Variants in CSTF3 observed in about 807,000 individuals in gnomAD.
CSTF3 encodes cleavage stimulation factor subunit 3.
CSTF3 carries 29 observed loss-of-function variants against 105.8 expected under a neutral mutation model. The observed-to-expected ratio is 0.27, with a 90% CI of 0.20 to 0.37. CSTF3 has a LOEUF of 0.37. CSTF3 is among the 10% of genes least tolerant of loss of function. The probability of loss-of-function intolerance (pLI) is 1.00; values close to 1 mark genes in which losing one functional copy is unlikely to be tolerated. For synonymous variants in CSTF3, 252 were observed against 281.9 expected (o/e 0.89, Z 1.06); for missense variants, 357 against 879.3 (o/e 0.41, Z 7.51).
intron 3 of CSTF3, among the ~76,000 whole-genome samples, chr11:33,108,849 C>A (rs1278841786): frequency 6.6e-6 from 1 of 152,176 alleles, no homozygotes; most frequent in African/African-American, 2.4e-5. Flanking sequence ...ACACCATCAA[C>A]CTAATATATT....
At chr11:33,142,136 C>A (rs1438234603) in intron 1 of CSTF3, 150 bp from the exon 2 acceptor site, 2 of 1,360,150 alleles carry the variant, frequency 1.5e-6, no homozygotes, top group East Asian at 2.5e-5. Context: ...TTTCCTAGAA[C>A]CGATGTGTAC....
rs150487468 is a variant in CSTF3 at position 33,146,528 on chromosome 11, G to A, written c.28-4542C>T. ...TAATCACACCACTGCACTCTACCCC[G>A]AGTAAGAGAACAAAACCCTGTCTCT... On this transcript the variant is annotated intron_variant, in intron 1 of 20. Coordinates refer to ENST00000323959, the MANE Select transcript of CSTF3 (RefSeq NM_001326.3). Among the ~76,000 whole-genome samples the A allele has an allele frequency of 9.0e-3, 1,359 of 151,060 alleles. 5 individuals are homozygous for A. Among genetic ancestry groups the A allele is most frequent in the Non-Finnish European group, 0.013 (882 of 67,874 alleles).
intron 3 of CSTF3, among the ~76,000 whole-genome samples, chr11:33,124,594 T>C (rs573019498): frequency 1.4e-4 from 22 of 152,264 alleles, no homozygotes; most frequent in Non-Finnish European, 2.6e-4. Flanking sequence ...CAAATTCCAG[T>C]AAGAGTCCTT....
intron 16 of CSTF3, 113 bp from the exon 17 acceptor site, chr11:33,090,840 CTT>C: frequency 1.7e-6 from 1 of 595,764 alleles, no homozygotes; most frequent in Non-Finnish European, 2.6e-6. Context: ...TAAAAAGTGA[CTT>C]TTTATTATAA....
intron 3 of CSTF3, 47 bp from the exon 4 acceptor site, chr11:33,108,465 C>A: frequency 7.4e-7 from 1 of 1,345,904 alleles, no homozygotes; most frequent in South Asian, 1.7e-5. Flanking sequence ...TTTTTTAGAG[C>A]ATCAGTCTGA....
Position 33,096,816 on chromosome 11 carries a change from C to T in CSTF3, c.1272+19G>A, listed in dbSNP as rs906506834. The stretch of plus-strand genomic sequence containing the variant: ...TGAAGGAAGTTGTTTTATCTTTACA[C>T]TTGTATTTCAGTATTTACCTTACTA... On this transcript the variant is annotated intron_variant, in intron 14 of 20. Transcript: ENST00000323959. 1.5e-5 allele frequency: 24 copies of T among 1,592,618 alleles called. No homozygotes were observed. Among genetic ancestry groups the T allele is most frequent in the African/African-American group, 6.8e-5 (5 of 73,530 alleles).
In CSTF3 at chr11:33,084,926, C is replaced by CA; in HGVS notation, c.*160dup. On this transcript the variant is annotated 3_prime_UTR_variant, in exon 21 of 21. Coordinates refer to ENST00000323959, the MANE Select transcript of CSTF3 (RefSeq NM_001326.3). ...TCTGTTCCGTATTCTAAAATTCACA[C>CA]AGGTTGGTTTGTTTTTTCTCAAGAA... is the stretch of plus-strand genomic sequence containing the variant. 1 of 758,398 alleles carries CA rather than the reference C, an allele frequency of 1.3e-6. No homozygotes were observed. The allele number at this position is 758,398 out of a possible 1,614,324, so 47.0% of individuals were successfully genotyped here.
chr11:33,088,248 A>G (rs1414830432), intron 17 of CSTF3, among the ~76,000 whole-genome samples: 1 of 151,886 alleles, frequency 6.6e-6, no homozygotes, highest in African/African-American at 2.4e-5. Flanking sequence ...GATGGAAAAC[A>G]TCATATTCAG....
intron 19 of CSTF3, 32 bp downstream of exon 19, chr11:33,085,863 C>T (rs1480105175): frequency 1.3e-6 from 2 of 1,573,656 alleles, no homozygotes; most frequent in African/African-American, 2.7e-5. Flanking sequence ...ACCCACAGAG[C>T]CAGTATCTAC....
At chr11:33,102,895 A>T (rs1017790959) in intron 9 of CSTF3, among the ~76,000 whole-genome samples, 5 of 152,124 alleles carry the variant, frequency 3.3e-5, no homozygotes, top group African/African-American at 1.2e-4. Context: ...TCCATATTTT[A>T]AAAAACAATT....
intron 1 of CSTF3, among the ~76,000 whole-genome samples, chr11:33,149,408 C>T (rs910065246): frequency 9.2e-5 from 14 of 152,300 alleles, no homozygotes; most frequent in African/African-American, 3.4e-4. Flanking sequence ...AATAAAAAGC[C>T]TTTTAACATA....
At chr11:33,145,952 T>A (rs938246029) in intron 1 of CSTF3, among the ~76,000 whole-genome samples, 1 of 151,916 alleles carries the variant, frequency 6.6e-6, no homozygotes, top group Admixed American at 6.6e-5. Context: ...AACTGATCAA[T>A]GTGGCCAGGG....
intron 1 of CSTF3, among the ~76,000 whole-genome samples, chr11:33,158,043 A>T (rs971074053): frequency 6.6e-6 from 1 of 152,190 alleles, no homozygotes; most frequent in Non-Finnish European, 1.5e-5. Flanking sequence ...GTTGAAGCTG[A>T]ATACAGTATC....
At chr11:33,152,675 C>T (rs1849803043) in intron 1 of CSTF3, among the ~76,000 whole-genome samples, 1 of 152,060 alleles carries the variant, frequency 6.6e-6, no homozygotes, top group South Asian at 2.1e-4. Flanking sequence ...AACTGAGGAG[C>T]TTGGGCCGGG....
At chr11:33,100,430 C>A (rs1389230794) in intron 10 of CSTF3, among the ~76,000 whole-genome samples, 1 of 151,726 alleles carries the variant, frequency 6.6e-6, no homozygotes, top group Non-Finnish European at 1.5e-5. Context: ...CCCCTGGGCT[C>A]AAGCAATCCT....
chr11:33,124,030 A>C (rs933726260), intron 3 of CSTF3, among the ~76,000 whole-genome samples: 2 of 151,884 alleles, frequency 1.3e-5, no homozygotes, highest in Non-Finnish European at 1.5e-5. Context: ...TATTCCAAAA[A>C]CCCCCAAAAT....
At chr11:33,159,946 T>C (rs1262249853) in intron 1 of CSTF3, among the ~76,000 whole-genome samples, 1 of 152,110 alleles carries the variant, frequency 6.6e-6, no homozygotes, top group Non-Finnish European at 1.5e-5. Context: ...TTCACCACCA[T>C]CTGTCCCACT....
At chr11:33,133,292 A>G (rs1855619625) in intron 3 of CSTF3, among the ~76,000 whole-genome samples, 1 of 152,236 alleles carries the variant, frequency 6.6e-6, no homozygotes, top group African/African-American at 2.4e-5. Context: ...TAGGGTTTAA[A>G]TGGAGTGGAC....
chr11:33,123,409 A>C (rs995364861), intron 3 of CSTF3, among the ~76,000 whole-genome samples: 1 of 152,154 alleles, frequency 6.6e-6, no homozygotes, highest in African/African-American at 2.4e-5. Context: ...AGGATTATCA[A>C]TGGGATTTAA....
Sources: allele counts gnomAD v4.1 joint callset (sites outside exome capture counted in the v4.1 genomes callset), GRCh38; gene constraint gnomAD v4.1.1; transcripts MANE v1.5; gene names NCBI Gene and HGNC (gene_info 2026-07-23, HGNC 2026-07-21).